HS6ST3: variants seen among roughly 807,000 people sequenced by gnomAD.
HS6ST3 encodes the protein heparan sulfate 6-O-sulfotransferase 3.
HS6ST3 carries 12 observed loss-of-function variants against 36.7 expected under a neutral mutation model. That is an observed-to-expected ratio of 0.33 (90% confidence interval 0.21 to 0.53). HS6ST3 has a LOEUF of 0.53. Among genes scored for constraint, HS6ST3 ranks in the 20% least tolerant of loss-of-function variants. HS6ST3 has a pLI of 0.95. For missense variants in HS6ST3, 584 were observed against 640.9 expected (o/e 0.91, Z 0.96); for synonymous variants, 240 against 257.5 (o/e 0.93, Z 0.65).
chr13:96,488,889 G>A (rs2055930279), intron 1 of HS6ST3, among the ~76,000 whole-genome samples: 2 of 151,798 alleles, frequency 1.3e-5, no homozygotes, highest in African/African-American at 4.8e-5. Flanking sequence ...TCCTTAAAAA[G>A]CATTTTTTTT....
chr13:96,497,169 A>C (rs923611213), intron 1 of HS6ST3, among the ~76,000 whole-genome samples: 1 of 152,138 alleles, frequency 6.6e-6, no homozygotes. Context: ...AACACATCAG[A>C]GGACAGGAAA....
At chr13:96,603,282 A>G (rs1334967696) in intron 1 of HS6ST3, among the ~76,000 whole-genome samples, 1 of 152,168 alleles carries the variant, frequency 6.6e-6, no homozygotes, top group Non-Finnish European at 1.5e-5. Context: ...CTGTCATCAC[A>G]AAGTGATTTT....
chr13:96,248,193 T>C (rs1261944453), intron 1 of HS6ST3, among the ~76,000 whole-genome samples: 1 of 152,214 alleles, frequency 6.6e-6, no homozygotes, highest in Admixed American at 6.5e-5. Flanking sequence ...TTAATATACA[T>C]GCCTGTACCA....
At chr13:96,775,516 A>G (rs546300787) in intron 1 of HS6ST3, among the ~76,000 whole-genome samples, 2 of 112,370 alleles carry the variant, frequency 1.8e-5, no homozygotes, top group East Asian at 3.5e-4. Context: ...GGCAAAAAAG[A>G]AAAAAAAAAA....
intron 1 of HS6ST3, among the ~76,000 whole-genome samples, chr13:96,415,215 T>C (rs1353391205): frequency 1.3e-5 from 2 of 152,150 alleles, no homozygotes; most frequent in Non-Finnish European, 2.9e-5. Context: ...AGGGAAGTTG[T>C]CTGGGAACAT....
intron 1 of HS6ST3, among the ~76,000 whole-genome samples, chr13:96,688,814 A>T (rs1388715720): frequency 6.6e-6 from 1 of 152,076 alleles, no homozygotes; most frequent in African/African-American, 2.4e-5. Context: ...GTGTGGTTAG[A>T]GTACACCGTG....
At chr13:96,750,270 C>T (rs1876666910) in intron 1 of HS6ST3, among the ~76,000 whole-genome samples, 1 of 152,178 alleles carries the variant, frequency 6.6e-6, no homozygotes, top group Non-Finnish European at 1.5e-5. Flanking sequence ...TTTGGATAGG[C>T]TGCTTAGGTT....
intron 1 of HS6ST3, among the ~76,000 whole-genome samples, chr13:96,632,316 T>C (rs958276473): frequency 1.3e-5 from 2 of 151,098 alleles, no homozygotes; most frequent in African/African-American, 4.9e-5. Context: ...TCTGTGTTTT[T>C]TTTTGTTTGT....
At chr13:96,587,620 T>G (rs922141040) in intron 1 of HS6ST3, among the ~76,000 whole-genome samples, 2 of 152,186 alleles carry the variant, frequency 1.3e-5, no homozygotes, top group Non-Finnish European at 2.9e-5. Flanking sequence ...ATCCAACAGG[T>G]GGCTTCACTT....
At chr13:96,402,607 C>T (rs2055457352) in intron 1 of HS6ST3, among the ~76,000 whole-genome samples, 1 of 152,142 alleles carries the variant, frequency 6.6e-6, no homozygotes, top group Admixed American at 6.5e-5. Flanking sequence ...AACCATTTTT[C>T]TTATTTATAT....
chr13:96,114,690 C>G lies in HS6ST3; in HGVS notation c.707+23121C>G, dbSNP rs561724200. 9.4e-4 allele frequency among the ~76,000 whole-genome samples: 143 copies of G among 152,272 alleles called. 1 individual carries two copies. Among genetic ancestry groups the G allele is most frequent in the Non-Finnish European group, 1.0e-4 (7 of 68,020 alleles). On this transcript the variant is annotated intron_variant, in intron 1 of 1. Transcript: ENST00000376705. ...AAAAGTGTCTGGTGTATATAAGGCC[C>G]TGTGCCAGTATTAGCTATTAGTATA...
intron 1 of HS6ST3, among the ~76,000 whole-genome samples, chr13:96,101,932 C>A (rs1309723741): frequency 6.6e-6 from 1 of 152,128 alleles, no homozygotes; most frequent in South Asian, 2.1e-4. Context: ...ACAAAAGGAT[C>A]ATTTTCAGGT....
intron 1 of HS6ST3, among the ~76,000 whole-genome samples, chr13:96,202,011 G>A (rs2054344398): frequency 6.6e-6 from 1 of 152,148 alleles, no homozygotes; most frequent in African/African-American, 2.4e-5. Flanking sequence ...TTAAAATTGT[G>A]ATGAGTTTGA....
At chr13:96,432,276 T>C (rs1289780373) in intron 1 of HS6ST3, among the ~76,000 whole-genome samples, 1 of 152,194 alleles carries the variant, frequency 6.6e-6, no homozygotes, top group African/African-American at 2.4e-5. Context: ...ACCTCAGTGG[T>C]ACAGATTACA....
chr13:96,555,088 TATACATACATAC>T (rs36026016), intron 1 of HS6ST3, among the ~76,000 whole-genome samples: 2 of 151,006 alleles, frequency 1.3e-5, no homozygotes, highest in South Asian at 4.2e-4. Flanking sequence ...TCAATACATA[TATACATACATAC>T]ATACATACAT....
At chr13:96,582,948 A>C (rs1211378282) in intron 1 of HS6ST3, among the ~76,000 whole-genome samples, 1 of 152,112 alleles carries the variant, frequency 6.6e-6, no homozygotes, top group African/African-American at 2.4e-5. Flanking sequence ...TATACCAAAA[A>C]TTATTCGTTG....
chr13:96,798,130 A>T (rs1877959241), intron 1 of HS6ST3, among the ~76,000 whole-genome samples: 1 of 151,996 alleles, frequency 6.6e-6, no homozygotes, highest in Non-Finnish European at 1.5e-5. Flanking sequence ...ATTATGACGG[A>T]TATAAACAAA....
At chr13:96,777,696 A>G (rs568023155) in intron 1 of HS6ST3, among the ~76,000 whole-genome samples, 13 of 152,208 alleles carry the variant, frequency 8.5e-5, no homozygotes, top group African/African-American at 2.9e-4. Flanking sequence ...ATGGAAAAAC[A>G]TTCCATGTTC....
chr13:96,121,549 C>T (rs929802806), intron 1 of HS6ST3, among the ~76,000 whole-genome samples: 1 of 152,212 alleles, frequency 6.6e-6, no homozygotes, highest in Admixed American at 6.5e-5. Flanking sequence ...CAGTAGATGG[C>T]CACAATTGCT....
Sources: allele counts gnomAD v4.1 joint callset (sites outside exome capture counted in the v4.1 genomes callset), GRCh38; gene constraint gnomAD v4.1.1; transcripts MANE v1.5; gene names NCBI Gene and HGNC (gene_info 2026-07-23, HGNC 2026-07-21).